Variants in SNX24 observed in about 807,000 individuals in gnomAD.
SNX24 encodes sorting nexin 24.
In SNX24, 22 loss-of-function variants were observed where a neutral mutation model predicts 28.7. The ratio of observed to expected loss-of-function variants is 0.77; its 90% confidence interval spans 0.55 to 1.10. The LOEUF (loss-of-function observed/expected upper bound fraction) is 1.10, where lower values mean the gene tolerates loss of function less well. Among genes scored for constraint, SNX24 ranks in the 50% least tolerant of loss-of-function variants. The pLI is 0.00. For synonymous variants in SNX24, 69 were observed against 71.5 expected, an observed-to-expected ratio of 0.96 and a Z score of 0.18; for missense variants, 221 against 201.1, an observed-to-expected ratio of 1.10 and a Z score of -0.60.
chr5:122,940,712 C>T (rs1186801998), intron 2 of SNX24, among the ~76,000 whole-genome samples: 1 of 152,158 alleles, frequency 6.6e-6, no homozygotes, highest in Non-Finnish European at 1.5e-5. Flanking sequence ...GCTAAGATTA[C>T]AGGCATGTAC....
In SNX24 at chr5:122,999,987, C is replaced by A. The variant is rs769029992; in HGVS notation, c.325C>A (p.Pro109Thr). The A allele has an allele frequency of 1.9e-6, 3 of 1,609,170 alleles. No homozygotes were observed. The highest frequency in any genetic ancestry group is 1.1e-5 in the South Asian group (1 of 90,958). The change falls in exon 4 of 7, where the codon CCA (proline) becomes ACA (threonine). Residue 109 changes from proline (P) to threonine (T), a missense_variant. Physicochemically the swap from Pro to Thr is conservative, Grantham distance 38. Coordinates refer to ENST00000261369, the MANE Select transcript of SNX24 (RefSeq NM_014035.4). ...AAATGTGCGACACTTGCCCTCTCTA[C>A]CAAAGGCAGAAAGTTGTGGGTAAGA... Reference protein sequence around the residue: ...FLNVRHLPSLPKAESCGSFDE... With the variant: ...FLNVRHLPSLTKAESCGSFDE...
chr5:122,914,059 A>G (rs1204544067), intron 1 of SNX24, among the ~76,000 whole-genome samples: 1 of 152,186 alleles, frequency 6.6e-6, no homozygotes, highest in Non-Finnish European at 1.5e-5. Flanking sequence ...AGATGGCAGC[A>G]GTACAGTCCA....
At chr5:122,864,273 G>A (rs1464860421) in intron 1 of SNX24, among the ~76,000 whole-genome samples, 1 of 152,160 alleles carries the variant, frequency 6.6e-6, no homozygotes, top group African/African-American at 2.4e-5. Flanking sequence ...GATAGCTCTT[G>A]GTGATTGAGG....
chr5:122,945,661 G>A (rs756912102), intron 2 of SNX24, among the ~76,000 whole-genome samples: 14 of 152,084 alleles, frequency 9.2e-5, no homozygotes, highest in Admixed American at 2.6e-4. Flanking sequence ...TTCTTTATAT[G>A]AAAAACATGT....
At chr5:122,854,223 T>C (rs1422925411) in intron 1 of SNX24, among the ~76,000 whole-genome samples, 4 of 151,946 alleles carry the variant, frequency 2.6e-5, no homozygotes, top group Non-Finnish European at 4.4e-5. Flanking sequence ...ATAATCATAG[T>C]GTAGGCCGGG....
chr5:122,902,010 G>T (rs1757468076), intron 1 of SNX24, among the ~76,000 whole-genome samples: 3 of 152,108 alleles, frequency 2.0e-5, no homozygotes, highest in Admixed American at 2.0e-4. Context: ...TTCACTATCT[G>T]CCCAGTTTTC....
chr5:122,967,715 C>G (rs1760771186), intron 3 of SNX24, among the ~76,000 whole-genome samples: 1 of 152,208 alleles, frequency 6.6e-6, no homozygotes, highest in East Asian at 1.9e-4. Flanking sequence ...TTAGAGCCCA[C>G]TGCGATTTGT....
At chr5:122,925,098 C>T (rs889875958) in intron 1 of SNX24, among the ~76,000 whole-genome samples, 1 of 141,182 alleles carries the variant, frequency 7.1e-6, no homozygotes. Context: ...TCTCCTCCTT[C>T]CCTCTCTCTT....
chr5:122,950,456 C>T (rs115413357), intron 3 of SNX24, among the ~76,000 whole-genome samples: 2,692 of 152,240 alleles, frequency 0.018, 41 homozygotes, highest in Non-Finnish European at 0.026. Context: ...TTTTCTCTGT[C>T]GCTCCTCTCT....
chr5:122,882,764 C>T (rs1358800330), intron 1 of SNX24, among the ~76,000 whole-genome samples: 1 of 152,098 alleles, frequency 6.6e-6, no homozygotes, highest in Non-Finnish European at 1.5e-5. Flanking sequence ...CAATTAATCT[C>T]TCAATCTCTG....
At chr5:123,021,104 T>TC (rs11407427) in intron 5 of SNX24, among the ~76,000 whole-genome samples, 86,818 of 146,032 alleles carry the variant, frequency 0.59, 26,841 homozygotes, top group Non-Finnish European at 0.67. Flanking sequence ...TCCACACAGT[T>TC]CCCCCCCCGT....
chr5:123,028,501 G>C, intron 5 of SNX24: 1 of 344,460 alleles, frequency 2.9e-6, no homozygotes, highest in Non-Finnish European at 5.2e-6. Flanking sequence ...CTACTGACTA[G>C]TAGTCTGGTA....
chr5:123,011,995 C>T (rs1027410354), downstream of SNX24, among the ~76,000 whole-genome samples: 2 of 152,094 alleles, frequency 1.3e-5, no homozygotes, highest in African/African-American at 4.8e-5. Flanking sequence ...GCAGTTACCC[C>T]CATGCTGCTG....
At chr5:122,967,195 C>G (rs891667453) in intron 3 of SNX24, among the ~76,000 whole-genome samples, 3 of 152,186 alleles carry the variant, frequency 2.0e-5, no homozygotes, top group African/African-American at 7.2e-5. Context: ...CTGGGCCAGA[C>G]TCTCTGCAGG....
At chr5:122,959,239 A>G (rs537682012) in intron 3 of SNX24, among the ~76,000 whole-genome samples, 3 of 149,984 alleles carry the variant, frequency 2.0e-5, no homozygotes, top group Admixed American at 1.3e-4. Context: ...TCTTTCTAGA[A>G]TGGGCAAATT....
At chr5:122,867,506 C>A (rs1755774617) in intron 1 of SNX24, among the ~76,000 whole-genome samples, 1 of 152,180 alleles carries the variant, frequency 6.6e-6, no homozygotes, top group Admixed American at 6.5e-5. Context: ...CAGTGTTGAT[C>A]TCTGCTCCTG....
chr5:122,946,206 T>G (rs746702352), intron 3 of SNX24, 47 bp downstream of exon 3: 126 of 1,103,598 alleles, frequency 1.1e-4, no homozygotes, highest in Non-Finnish European at 1.7e-4. Context: ...AATAATCATA[T>G]GTCTTACCAC....
At chr5:122,996,447 A>G (rs1400360811) in intron 3 of SNX24, among the ~76,000 whole-genome samples, 1 of 152,210 alleles carries the variant, frequency 6.6e-6, no homozygotes, top group Non-Finnish European at 1.5e-5. Flanking sequence ...TATGTTTTCC[A>G]GCAAGCAGGA....
intron 1 of SNX24, 30 bp from the exon 2 acceptor site, chr5:122,936,704 T>C (rs1477027750): frequency 7.8e-7 from 1 of 1,275,654 alleles, no homozygotes; most frequent in East Asian, 2.3e-5. Flanking sequence ...TTTGAACTAA[T>C]ATAATTAATC....
Sources: allele counts gnomAD v4.1 joint callset (sites outside exome capture counted in the v4.1 genomes callset), GRCh38; gene constraint gnomAD v4.1.1; transcripts MANE v1.5; gene names NCBI Gene and HGNC (gene_info 2026-07-23, HGNC 2026-07-21).